The following DCDC1 variants were observed in gnomAD, a reference collection of about 807,000 sequenced individuals.
DCDC1 encodes doublecortin domain-containing protein 1.
A neutral mutation model predicts 178.3 loss-of-function variants in DCDC1; 200 were observed. That is an observed-to-expected ratio of 1.12 (90% CI 1.00 to 1.26). DCDC1 has a LOEUF of 1.26. Ranked by LOEUF, DCDC1 falls within the 50% of genes most tolerant of loss-of-function variation. DCDC1 has a pLI of 0.00. For synonymous variants in DCDC1, 690 were observed against 604.8 expected, an observed-to-expected ratio of 1.14 and a Z score of -2.07; for missense variants, 1,983 against 1,749.2, an observed-to-expected ratio of 1.13 and a Z score of -2.38.
At chr11:31,203,363 C>G (rs1004447482) in intron 9 of DCDC1, among the ~76,000 whole-genome samples, 6 of 152,162 alleles carry the variant, frequency 3.9e-5, no homozygotes, top group Non-Finnish European at 8.8e-5. Context: ...CCCCCTAGAA[C>G]TGAGCACTTG....
chr11:31,219,610 G>C lies in DCDC1; in HGVS notation c.1221+21840C>G, dbSNP rs1591452415. ...TTAGACTTATTCTAAAAGAAATCTTGAAAAGGGTTTTCATTCTTTCACTGG... is the reference window on the plus strand; with the variant it reads ...TTAGACTTATTCTAAAAGAAATCTTCAAAAGGGTTTTCATTCTTTCACTGG... On this transcript the variant is annotated intron_variant, in intron 9 of 38. Coordinates refer to ENST00000684477, the MANE Select transcript of DCDC1 (RefSeq NM_001387274.1). Among the ~76,000 whole-genome samples, 3 of 152,258 alleles carry C rather than the reference G, an allele frequency of 2.0e-5. No homozygotes were observed. In the East Asian group the frequency reaches 5.8e-4, roughly 29 times the overall value.
At chr11:31,265,302 TA>T (rs982580319) in intron 8 of DCDC1, among the ~76,000 whole-genome samples, 12 of 152,108 alleles carry the variant, frequency 7.9e-5, no homozygotes, top group African/African-American at 2.7e-4. Context: ...ATCAATTTTT[TA>T]AAAACTCCAA....
chr11:31,170,682 C>T (rs528979188), intron 9 of DCDC1, among the ~76,000 whole-genome samples: 1 of 152,276 alleles, frequency 6.6e-6, no homozygotes, highest in South Asian at 2.1e-4. Flanking sequence ...CATAGTACTA[C>T]ATACTGTAAA....
intron 9 of DCDC1, among the ~76,000 whole-genome samples, chr11:31,160,311 T>C (rs1263064233): frequency 1.3e-5 from 2 of 152,230 alleles, no homozygotes; most frequent in African/African-American, 2.4e-5. Context: ...TCACACCTCA[T>C]GGCTTACTAA....
intron 7 of DCDC1, among the ~76,000 whole-genome samples, chr11:31,282,024 T>C (rs1946472701): frequency 6.6e-6 from 1 of 152,178 alleles, no homozygotes; most frequent in African/African-American, 2.4e-5. Context: ...ATTTTGCATC[T>C]ATGATTAGGA....
chr11:31,357,344 T>C (rs1414145815), intron 1 of DCDC1, among the ~76,000 whole-genome samples: 1 of 145,910 alleles, frequency 6.9e-6, no homozygotes, highest in Non-Finnish European at 1.5e-5. Flanking sequence ...AACCACATGA[T>C]TATCTCAATA....
At chr11:31,020,739 C>T (rs933945362) in intron 20 of DCDC1, among the ~76,000 whole-genome samples, 1 of 152,096 alleles carries the variant, frequency 6.6e-6, no homozygotes, top group Non-Finnish European at 1.5e-5. Context: ...ACTTCTCCTA[C>T]TTTATAATTT....
At chr11:31,196,533 TC>T (rs1373541331) in intron 9 of DCDC1, among the ~76,000 whole-genome samples, 1 of 152,034 alleles carries the variant, frequency 6.6e-6, no homozygotes, top group Admixed American at 6.6e-5. Context: ...CTATAATGAC[TC>T]ACTGAACTCA....
Position 30,896,589 on chromosome 11 carries a change from C to T in DCDC1, c.4766-2205G>A, listed in dbSNP as rs1009569508. ...GGGGTTTCAGTTAGCAGACTTATTT[C>T]GCTTTCACACTAAATTAAATGCTCC... On this transcript the variant is annotated intron_variant, in intron 34 of 38. Coordinates refer to ENST00000684477, the MANE Select transcript of DCDC1 (RefSeq NM_001387274.1). 2.4e-4 allele frequency among the ~76,000 whole-genome samples: 36 copies of T among 152,172 alleles called. 1 individual carries two copies. The highest frequency in any genetic ancestry group is 2.6e-4 in the Admixed American group (4 of 15,276).
chr11:31,309,633 A>G (rs1249090744), intron 3 of DCDC1, among the ~76,000 whole-genome samples: 1 of 152,106 alleles, frequency 6.6e-6, no homozygotes, highest in Non-Finnish European at 1.5e-5. Flanking sequence ...AGATTCCCAT[A>G]TTTTTTTAAA....
chr11:31,140,288 A>C (rs1963657368), intron 9 of DCDC1, among the ~76,000 whole-genome samples: 1 of 152,232 alleles, frequency 6.6e-6, no homozygotes, highest in Admixed American at 6.5e-5. Flanking sequence ...GAGATTTCAA[A>C]AATTAAAAAT....
chr11:31,306,145 T>C, intron 5 of DCDC1, 87 bp downstream of exon 5: 1 of 1,231,348 alleles, frequency 8.1e-7, no homozygotes, highest in Non-Finnish European at 1.1e-6. Flanking sequence ...AAAAAGAAAA[T>C]ATTAACAATA....
chr11:31,254,969 A>T (rs1249923470), intron 8 of DCDC1, among the ~76,000 whole-genome samples: 1 of 152,138 alleles, frequency 6.6e-6, no homozygotes, highest in East Asian at 1.9e-4. Context: ...AGGCCATGAC[A>T]AACACCAATC....
At chr11:30,970,059 A>C (rs998175206) in intron 20 of DCDC1, among the ~76,000 whole-genome samples, 3 of 152,214 alleles carry the variant, frequency 2.0e-5, no homozygotes, top group African/African-American at 7.2e-5. Context: ...GAAATGAGGC[A>C]GCCTATTTAG....
At chr11:30,887,969 C>G (rs1466540465) in intron 36 of DCDC1, among the ~76,000 whole-genome samples, 1 of 146,256 alleles carries the variant, frequency 6.8e-6, no homozygotes, top group Admixed American at 6.9e-5. Context: ...TGCCATTGCA[C>G]TCCAGCCTGG....
At chr11:31,341,394 GA>G (rs1209275824) in intron 1 of DCDC1, among the ~76,000 whole-genome samples, 5 of 133,676 alleles carry the variant, frequency 3.7e-5, no homozygotes, top group African/African-American at 1.1e-4. Flanking sequence ...TAGATAGATA[GA>G]TAGATAGATA....
intron 32 of DCDC1, among the ~76,000 whole-genome samples, chr11:30,902,103 A>T (rs1434242838): frequency 6.6e-6 from 1 of 152,122 alleles, no homozygotes; most frequent in East Asian, 1.9e-4. Context: ...TATACTTGCT[A>T]TGGTTTGAAT....
At chr11:31,162,946 A>T (rs1416081551) in intron 9 of DCDC1, among the ~76,000 whole-genome samples, 3 of 152,196 alleles carry the variant, frequency 2.0e-5, no homozygotes, top group African/African-American at 7.2e-5. Flanking sequence ...TACATGTATT[A>T]CTTTTCAAAC....
chr11:30,869,627 G>T (rs1384362273), intron 38 of DCDC1, among the ~76,000 whole-genome samples: 1 of 152,132 alleles, frequency 6.6e-6, no homozygotes, highest in Non-Finnish European at 1.5e-5. Flanking sequence ...ATGGAAGGAA[G>T]TTCCCCACAC....
Sources: gnomAD v4.1 joint callset for allele counts (sites outside exome capture counted in the v4.1 genomes callset) on GRCh38, gnomAD v4.1.1 for gene constraint, MANE v1.5 for transcripts, NCBI Gene and HGNC (gene_info 2026-07-23, HGNC 2026-07-21) for gene names.